The following NUBPL variants were observed in gnomAD, a reference collection of about 807,000 sequenced individuals.
The protein encoded by NUBPL is NUBP iron-sulfur cluster assembly factor, mitochondrial, also known as iron-sulfur cluster transfer protein NUBPL.
In NUBPL, 31 loss-of-function variants were observed where a neutral mutation model predicts 45.7. That is an observed-to-expected ratio of 0.68 (90% CI 0.51 to 0.92). The LOEUF (loss-of-function observed/expected upper bound fraction) is 0.92. Ranked by LOEUF, NUBPL falls within the 40% of genes least tolerant of loss-of-function variation. The probability of loss-of-function intolerance (pLI) is 0.00; values close to 1 mark genes in which losing one functional copy is unlikely to be tolerated. For missense variants in NUBPL, 401 were observed against 398.7 expected, an observed-to-expected ratio of 1.01 and a Z score of -0.05; for synonymous variants, 144 against 140.9, an observed-to-expected ratio of 1.02 and a Z score of -0.15.
rs2033278691 is a variant in NUBPL at position 31,561,518 on chromosome 14, G to A, written c.79G>A (p.Gly27Arg). 2 of 1,382,618 alleles carry A rather than the reference G, an allele frequency of 1.4e-6. No homozygotes were observed. The highest frequency in any genetic ancestry group is 1.9e-6 in the Non-Finnish European group (2 of 1,060,620). The allele number at this position is 1,382,618 out of a possible 1,614,324, so 85.6% of individuals were successfully genotyped here. ...TGGCGGGGCCACTGCCCCGCTTGGG[G>A]GAAGCCGAGCGATGGTTTGTGGGCG... ...AGGGATAPLG[G>R]SRAMVCGRQL... is the part of the protein sequence containing the mutation. The change falls in exon 1 of 11, where the codon GGA becomes AGA. Residue 27 changes from glycine (G) to arginine (R), a missense_variant. Coordinates refer to ENST00000281081, the MANE Select transcript of NUBPL (RefSeq NM_025152.3).
At chr14:31,698,495 A>T (rs1204023121) in intron 6 of NUBPL, among the ~76,000 whole-genome samples, 1 of 152,016 alleles carries the variant, frequency 6.6e-6, no homozygotes, top group Non-Finnish European at 1.5e-5. Context: ...TTGCCAGATG[A>T]TTCTTCCCAA....
At chr14:31,806,072 C>A (rs2039679761) in intron 7 of NUBPL, among the ~76,000 whole-genome samples, 1 of 152,050 alleles carries the variant, frequency 6.6e-6, no homozygotes, top group Non-Finnish European at 1.5e-5. Context: ...GAAAAAAATA[C>A]AAATCCCACA....
chr14:31,656,189 G>A (rs1370906001), intron 4 of NUBPL, among the ~76,000 whole-genome samples: 1 of 152,074 alleles, frequency 6.6e-6, no homozygotes, highest in Non-Finnish European at 1.5e-5. Context: ...ATTGAAGAGA[G>A]TTAGGGCCAT....
intron 4 of NUBPL, among the ~76,000 whole-genome samples, chr14:31,625,992 A>G (rs1378418407): frequency 6.6e-6 from 1 of 152,166 alleles, no homozygotes; most frequent in Non-Finnish European, 1.5e-5. Context: ...TTAAAAAGGT[A>G]ATGGAAAGAT....
At chr14:31,724,500 C>T (rs2037877797) in intron 6 of NUBPL, among the ~76,000 whole-genome samples, 1 of 152,122 alleles carries the variant, frequency 6.6e-6, no homozygotes, top group African/African-American at 2.4e-5. Flanking sequence ...CTGTACAGTG[C>T]CCAGCATGGA....
chr14:31,770,137 G>A (rs929965356), intron 6 of NUBPL, among the ~76,000 whole-genome samples: 2 of 152,074 alleles, frequency 1.3e-5, no homozygotes, highest in East Asian at 3.8e-4. Context: ...TGCCTGGTGG[G>A]TTCATCTTGT....
chr14:31,570,985 C>T (rs146525289), intron 3 of NUBPL, among the ~76,000 whole-genome samples: 2 of 152,326 alleles, frequency 1.3e-5, no homozygotes, highest in East Asian at 3.9e-4. Flanking sequence ...TGCTGATATT[C>T]AATATCCTCT....
At chr14:31,814,414 C>T (rs2039874725) in intron 7 of NUBPL, among the ~76,000 whole-genome samples, 1 of 151,938 alleles carries the variant, frequency 6.6e-6, no homozygotes, top group African/African-American at 2.4e-5. Context: ...GTTTAAGTTC[C>T]TTGTACATTC....
chr14:31,658,555 CA>C (rs1311926251), intron 4 of NUBPL, among the ~76,000 whole-genome samples: 1 of 151,840 alleles, frequency 6.6e-6, no homozygotes, highest in Non-Finnish European at 1.5e-5. Flanking sequence ...CTCTGTCACC[CA>C]GGCTGGAGTG....
intron 6 of NUBPL, among the ~76,000 whole-genome samples, chr14:31,675,793 A>T (rs1024178395): frequency 2.0e-5 from 3 of 152,168 alleles, no homozygotes; most frequent in African/African-American, 4.8e-5. Flanking sequence ...AAAATTATGC[A>T]TACAATGAGA....
chr14:31,847,694 T>C lies in NUBPL; in HGVS notation c.814+1103T>C, dbSNP rs183967222. Among the ~76,000 whole-genome samples the C allele has an allele frequency of 2.6e-5, 4 of 152,292 alleles. No homozygotes were observed. In the East Asian group the frequency reaches 7.7e-4, roughly 29 times the overall value. ...AGACTTAGGTAGTTAAAAATTAAGA[T>C]CCCTAGAGATTAAGGAATTTCAAAA... is the stretch of plus-strand genomic sequence containing the variant. On this transcript the variant is annotated intron_variant, in intron 9 of 10. Transcript: ENST00000281081.
intron 4 of NUBPL, among the ~76,000 whole-genome samples, chr14:31,610,330 T>C (rs1425842933): frequency 6.6e-6 from 1 of 151,982 alleles, no homozygotes; most frequent in Non-Finnish European, 1.5e-5. Flanking sequence ...TAAATTCATA[T>C]ACACGTACAA....
intron 3 of NUBPL, among the ~76,000 whole-genome samples, chr14:31,591,947 T>C (rs567848772): frequency 6.6e-6 from 1 of 152,286 alleles, no homozygotes; most frequent in Admixed American, 6.5e-5. Flanking sequence ...ATGGAGCTTA[T>C]AGTAAATAGA....
At chr14:31,752,062 C>A (rs1186325137) in intron 6 of NUBPL, among the ~76,000 whole-genome samples, 1 of 152,212 alleles carries the variant, frequency 6.6e-6, no homozygotes, top group African/African-American at 2.4e-5. Flanking sequence ...AACCATTTTT[C>A]CTTCCTAGGC....
At chr14:31,603,942 A>T (rs567396046) in intron 4 of NUBPL, among the ~76,000 whole-genome samples, 1 of 152,290 alleles carries the variant, frequency 6.6e-6, no homozygotes, top group South Asian at 2.1e-4. Context: ...TCTCTTGATT[A>T]AAGTAATATG....
At chr14:31,802,722 T>C (rs2039616699) in intron 7 of NUBPL, among the ~76,000 whole-genome samples, 1 of 152,150 alleles carries the variant, frequency 6.6e-6, no homozygotes, top group South Asian at 2.1e-4. Context: ...TCAGATATTG[T>C]GTTATGGCAA....
intron 7 of NUBPL, among the ~76,000 whole-genome samples, chr14:31,817,294 C>G (rs918562587): frequency 2.6e-5 from 4 of 152,106 alleles, no homozygotes; most frequent in African/African-American, 9.7e-5. Flanking sequence ...CCTAACAAGA[C>G]AGGCCAACAT....
chr14:31,577,247 C>T (rs1287182567), intron 3 of NUBPL, among the ~76,000 whole-genome samples: 1 of 152,174 alleles, frequency 6.6e-6, no homozygotes, highest in African/African-American at 2.4e-5. Flanking sequence ...TCTCCACTGT[C>T]GTGAACCTAG....
At chr14:31,591,409 G>A (rs145918381) in intron 3 of NUBPL, among the ~76,000 whole-genome samples, 7,553 of 152,090 alleles carry the variant, frequency 0.05, 236 homozygotes, top group African/African-American at 0.07. Context: ...TGATCCTCCC[G>A]CCTCAGCCTC....
Sources: allele counts gnomAD v4.1 joint callset (sites outside exome capture counted in the v4.1 genomes callset), GRCh38; gene constraint gnomAD v4.1.1; transcripts MANE v1.5; gene names NCBI Gene and HGNC (gene_info 2026-07-23, HGNC 2026-07-21).